The following ATP10B variants were observed in gnomAD, a reference collection of about 807,000 sequenced individuals.
ATP10B encodes phospholipid-transporting ATPase VB.
In ATP10B, 122 loss-of-function variants were observed where a neutral mutation model predicts 141.2. The observed-to-expected ratio is 0.86, with a 90% confidence interval of 0.75 to 1.00. The LOEUF is 1.00. ATP10B is among the 50% of genes least tolerant of loss of function. The pLI, the probability that ATP10B is intolerant of heterozygous loss-of-function variation, is 0.00. For missense variants in ATP10B, 1,876 were observed against 1,825.3 expected (o/e 1.03, Z -0.51); for synonymous variants, 685 against 692.0 (o/e 0.99, Z 0.16).
At position 160,686,235 on chromosome 5, in the gene ATP10B, T is replaced by C. The variant is rs184217288; in HGVS notation, c.314A>G (p.Asn105Ser). Residue 105 changes from asparagine to serine, a missense_variant, in exon 6 of 26, where the codon AAC becomes AGC. Transcript: ENST00000327245. ...GAAGACTTCCATGGAGGGCATCCAG[T>C]TCAAAATCACCAGGAACAGGAAATA... is the stretch of plus-strand genomic sequence containing the variant. The part of the protein sequence containing the change: ...NLYFLFLVIL[N>S]WMPSMEVFHR... 4,589 of 1,607,344 alleles carry C rather than the reference T, an allele frequency of 2.9e-3. 13 individuals are homozygous for C. The highest frequency in any genetic ancestry group is 3.5e-3 in the Non-Finnish European group (4,113 of 1,175,316).
intron 2 of ATP10B, among the ~76,000 whole-genome samples, chr5:160,758,310 A>T (rs1301884632): frequency 6.6e-6 from 1 of 152,122 alleles, no homozygotes; most frequent in Non-Finnish European, 1.5e-5. Flanking sequence ...TGCCAACACT[A>T]CAGGTTCCTG....
the ATP10B span, among the ~76,000 whole-genome samples, chr5:160,899,711 C>T: frequency 6.6e-6 from 1 of 152,184 alleles, no homozygotes; most frequent in African/African-American, 2.4e-5. Flanking sequence ...TGCAATTATA[C>T]CTTGAGTAAG....
intron 24 of ATP10B, among the ~76,000 whole-genome samples, chr5:160,585,588 C>T (rs376119159): frequency 2.5e-4 from 38 of 152,180 alleles, no homozygotes; most frequent in Non-Finnish European, 4.1e-4. Flanking sequence ...GATGACAGAG[C>T]GAGACTTCAT....
intron 2 of ATP10B, among the ~76,000 whole-genome samples, chr5:160,749,117 A>T (rs908601233): frequency 6.6e-6 from 1 of 152,184 alleles, no homozygotes; most frequent in South Asian, 2.1e-4. Context: ...GAAGTGAGTT[A>T]TTAGTATTAC....
At chr5:160,674,521 G>A (rs1330905195) in intron 6 of ATP10B, among the ~76,000 whole-genome samples, 1 of 152,140 alleles carries the variant, frequency 6.6e-6, no homozygotes, top group African/African-American at 2.4e-5. Flanking sequence ...ATCCCAAGGA[G>A]GTCACTGCTC....
intron 2 of ATP10B, among the ~76,000 whole-genome samples, chr5:160,744,191 G>A (rs995556705): frequency 6.6e-6 from 1 of 152,150 alleles, no homozygotes; most frequent in African/African-American, 2.4e-5. Context: ...TACCAGCAGT[G>A]CCTTTGCAAA....
intron 1 of ATP10B, among the ~76,000 whole-genome samples, chr5:160,790,013 A>G (rs1489026432): frequency 6.6e-6 from 1 of 152,098 alleles, no homozygotes; most frequent in African/African-American, 2.4e-5. Flanking sequence ...TGTCCCAGGG[A>G]CCTAACACTG....
At chr5:160,879,774 C>A in the ATP10B span, among the ~76,000 whole-genome samples, 4 of 151,950 alleles carry the variant, frequency 2.6e-5, no homozygotes, top group Admixed American at 6.6e-5. Flanking sequence ...GGAGGTGGAG[C>A]TTGTAGTGAG....
At chr5:160,716,447 G>T (rs1024273723) in intron 3 of ATP10B, among the ~76,000 whole-genome samples, 2 of 152,238 alleles carry the variant, frequency 1.3e-5, no homozygotes, top group Admixed American at 6.5e-5. Flanking sequence ...GTATTTAAAG[G>T]TCTCATAGCT....
At chr5:160,868,521 TACACACACACACACACACACAC>T in the ATP10B span, among the ~76,000 whole-genome samples, 232 of 130,400 alleles carry the variant, frequency 1.8e-3, 2 homozygotes, top group African/African-American at 6.1e-3. Context: ...TATGAACAGA[TACACACACACACACACACACAC>T]ACACACACAC....
At chr5:160,626,686 A>T (rs1267444514) in intron 13 of ATP10B, among the ~76,000 whole-genome samples, 1 of 152,210 alleles carries the variant, frequency 6.6e-6, no homozygotes, top group Non-Finnish European at 1.5e-5. Flanking sequence ...GGGCCTGAGC[A>T]TTGGCAATTC....
rs1300130046 is a variant in ATP10B, at chr5:160,686,040, C to A, written c.470+39G>T. 4.1e-6 allele frequency: 6 copies of A among 1,464,770 alleles called. No individual in the cohort carries two copies. The South Asian group carries it at 7.5e-5, about 18-fold the overall frequency. 90.7% of individuals were successfully genotyped at this position (1,464,770 alleles called of 1,614,324 possible). On this transcript the variant is annotated intron_variant, in intron 6 of 25. Coordinates refer to ENST00000327245, the MANE Select transcript of ATP10B (RefSeq NM_025153.3). ...AGGCTATGCTGATGAGTTTGCCTAA[C>A]CCATTTGCAAGAGAGAACACAGGGA...
At chr5:160,928,841 A>ACAGGCAACTCATTTCCAAG in the ATP10B span, among the ~76,000 whole-genome samples, 1 of 152,234 alleles carries the variant, frequency 6.6e-6, no homozygotes. Context: ...GACTGTCCAG[A>ACAGGCAACTCATTTCCAAG]CAGGCAACTC....
the ATP10B span, among the ~76,000 whole-genome samples, chr5:160,883,853 G>A: frequency 3.9e-5 from 6 of 151,916 alleles, no homozygotes; most frequent in Non-Finnish European, 7.4e-5. Flanking sequence ...GGCTGCTTTC[G>A]TACATTATTT....
intron 9 of ATP10B, 46 bp from the exon 10 acceptor site, chr5:160,640,638 T>C: frequency 6.2e-7 from 1 of 1,609,450 alleles, no homozygotes; most frequent in Non-Finnish European, 8.5e-7. Context: ...CCTGTTTGCC[T>C]ATGTCTTACA....
chr5:160,602,657 T>C lies in ATP10B; in HGVS notation c.3283A>G (p.Lys1095Glu). The C allele has an allele frequency of 6.3e-7, 1 of 1,596,316 alleles. No homozygotes were observed. The change falls in exon 21 of 26, where the codon AAG (lysine) becomes GAG (glutamate). Residue 1095 changes from lysine (K) to glutamate (E), a missense_variant. Coordinates refer to ENST00000327245, the MANE Select transcript of ATP10B (RefSeq NM_025153.3). ...TGGCCATGCACGAGCAGCAACTTCT[T>C]GAGATGCTTAAAGCGGGTGATGGCA... ...DFAITRFKHLKKLLLVHGHWC... is the reference protein window; with the variant it reads ...DFAITRFKHLEKLLLVHGHWC...
chr5:160,593,613 G>A (rs536210113), intron 22 of ATP10B, among the ~76,000 whole-genome samples: 19 of 152,270 alleles, frequency 1.2e-4, no homozygotes, highest in Admixed American at 8.5e-4. Context: ...AAACTACTCC[G>A]AGCTACAGGA....
At chr5:160,920,170 G>A in the ATP10B span, among the ~76,000 whole-genome samples, 6 of 152,294 alleles carry the variant, frequency 3.9e-5, no homozygotes, top group South Asian at 1.2e-3. Context: ...ACTTACAGTC[G>A]ATCGAGCATC....
intron 22 of ATP10B, among the ~76,000 whole-genome samples, chr5:160,598,550 A>T (rs1256081651): frequency 6.6e-6 from 1 of 152,168 alleles, no homozygotes; most frequent in Non-Finnish European, 1.5e-5. Context: ...CAATAAAAAA[A>T]AAATTAAAAA....
Sources: gnomAD v4.1 joint callset for allele counts (sites outside exome capture counted in the v4.1 genomes callset) on GRCh38, gnomAD v4.1.1 for gene constraint, MANE v1.5 for transcripts, NCBI Gene and HGNC (gene_info 2026-07-23, HGNC 2026-07-21) for gene names.